Variants in GALNT18 observed in about 807,000 individuals in gnomAD.
The protein encoded by GALNT18 is GalNAc-transferase 18.
Under a neutral mutation model 69.5 loss-of-function variants are expected in GALNT18, and 44 were observed. The observed-to-expected ratio is 0.63, with a 90% CI of 0.50 to 0.81. The LOEUF (loss-of-function observed/expected upper bound fraction) is 0.81, where lower values mean the gene tolerates loss of function less well. Ranked by LOEUF, GALNT18 falls within the 40% of genes least tolerant of loss-of-function variation. The pLI, the probability that GALNT18 is intolerant of heterozygous loss-of-function variation, is 0.00. For missense variants in GALNT18, 715 were observed against 810.0 expected (o/e 0.88, Z 1.42); for synonymous variants, 364 against 318.2 (o/e 1.14, Z -1.53).
At chr11:11,513,714 T>A (rs530281906) in intron 1 of GALNT18, among the ~76,000 whole-genome samples, 2 of 152,360 alleles carry the variant, frequency 1.3e-5, no homozygotes, top group Admixed American at 1.3e-4. Context: ...TCCCGGGACG[T>A]TTACATAGGT....
intron 1 of GALNT18, among the ~76,000 whole-genome samples, chr11:11,520,922 A>G (rs4264146): frequency 0.66 from 101,026 of 151,942 alleles, 34,172 homozygotes; most frequent in African/African-American, 0.78. Flanking sequence ...CATTCCTGGC[A>G]GGGATCGGGA....
chr11:11,568,878 A>C (rs1858716154), intron 1 of GALNT18, among the ~76,000 whole-genome samples: 1 of 152,194 alleles, frequency 6.6e-6, no homozygotes, highest in Non-Finnish European at 1.5e-5. Context: ...ATATAACCTC[A>C]TCCCCTGCTT....
At position 11,465,500 on chromosome 11, in the gene GALNT18, C is replaced by G. The variant is rs1394668484; in HGVS notation, c.236-16564G>C. Among the ~76,000 whole-genome samples the G allele has an allele frequency of 6.6e-6, 1 of 152,098 alleles. No individual in the cohort carries two copies. The highest frequency in any genetic ancestry group is 2.4e-5 in the African/African-American group (1 of 41,400). ...CTCGTGATCCGTATCCATGGCAGCT[C>G]AGTAGCCACAGAAGCCAAAGCCACC... On this transcript the variant is annotated intron_variant, in intron 1 of 10. Coordinates refer to ENST00000227756, the MANE Select transcript of GALNT18 (RefSeq NM_198516.3). The surrounding 1 kb of genome is among the most constrained non-coding windows in gnomAD (Gnocchi z 5.7).
chr11:11,367,808 C>A (rs1850805563), intron 6 of GALNT18, among the ~76,000 whole-genome samples: 1 of 152,192 alleles, frequency 6.6e-6, no homozygotes, highest in South Asian at 2.1e-4. Context: ...TTTAACAAGT[C>A]TTACATTTTC....
At chr11:11,281,989 C>T (rs1849085822) in intron 10 of GALNT18, among the ~76,000 whole-genome samples, 1 of 152,080 alleles carries the variant, frequency 6.6e-6, no homozygotes, top group Non-Finnish European at 1.5e-5. Flanking sequence ...GACCTGCTCC[C>T]TGGGAACACA....
chr11:11,517,719 A>C (rs1372858195), intron 1 of GALNT18, among the ~76,000 whole-genome samples: 1 of 152,050 alleles, frequency 6.6e-6, no homozygotes, highest in Non-Finnish European at 1.5e-5. Flanking sequence ...CACAGTGCTC[A>C]GTCCCGGTGG....
intron 9 of GALNT18, among the ~76,000 whole-genome samples, chr11:11,305,970 C>T (rs1364101444): frequency 1.3e-5 from 2 of 152,202 alleles, no homozygotes; most frequent in Non-Finnish European, 2.9e-5. Context: ...TCCAAAACTC[C>T]TCTAAGCTGC....
chr11:11,440,466 G>T (rs1855510623), intron 2 of GALNT18, among the ~76,000 whole-genome samples: 1 of 152,222 alleles, frequency 6.6e-6, no homozygotes, highest in African/African-American at 2.4e-5. Context: ...GCCGGGAAAG[G>T]CAGGTCCTGA....
chr11:11,484,573 A>G (rs1856601876), intron 1 of GALNT18, among the ~76,000 whole-genome samples: 1 of 149,478 alleles, frequency 6.7e-6, no homozygotes, highest in Non-Finnish European at 1.5e-5. Flanking sequence ...AGCCTGGGCA[A>G]AAAGAGCAAA....
chr11:11,532,562 A>G (rs576103771), intron 1 of GALNT18, among the ~76,000 whole-genome samples: 2 of 152,348 alleles, frequency 1.3e-5, no homozygotes, highest in South Asian at 2.1e-4. Context: ...AGAAAATCCA[A>G]TGGCATTCTT....
intron 1 of GALNT18, among the ~76,000 whole-genome samples, chr11:11,535,756 C>T (rs1392791237): frequency 1.3e-5 from 2 of 152,214 alleles, no homozygotes; most frequent in Non-Finnish European, 2.9e-5. Flanking sequence ...CTTTCAGCTG[C>T]AGCCTACCCA....
chr11:11,559,029 G>C (rs1053410376), intron 1 of GALNT18, among the ~76,000 whole-genome samples: 1 of 152,220 alleles, frequency 6.6e-6, no homozygotes, highest in Non-Finnish European at 1.5e-5. Flanking sequence ...CCATGCCTCT[G>C]CTTCCTCATT....
At chr11:11,322,977 A>G (rs1849862849) in intron 9 of GALNT18, among the ~76,000 whole-genome samples, 2 of 152,136 alleles carry the variant, frequency 1.3e-5, no homozygotes, top group Admixed American at 1.3e-4. Flanking sequence ...TAAGGACACT[A>G]ATCCTATCAG....
intron 6 of GALNT18, among the ~76,000 whole-genome samples, chr11:11,371,395 C>T (rs1184886952): frequency 6.6e-6 from 1 of 152,180 alleles, no homozygotes. Context: ...AATTGAGTAT[C>T]AGGAATTGGA....
intron 1 of GALNT18, among the ~76,000 whole-genome samples, chr11:11,479,939 T>C (rs1416451219): frequency 6.6e-6 from 1 of 152,128 alleles, no homozygotes; most frequent in Non-Finnish European, 1.5e-5. Flanking sequence ...GTAAGTTACC[T>C]AGATGCTCTA....
At chr11:11,393,586 C>T (rs1854247544) in intron 3 of GALNT18, among the ~76,000 whole-genome samples, 1 of 152,220 alleles carries the variant, frequency 6.6e-6, no homozygotes, top group Non-Finnish European at 1.5e-5. Context: ...CCTTTAAAGC[C>T]ACCAAAGGCA....
chr11:11,445,608 T>C (rs1180287667), intron 2 of GALNT18, among the ~76,000 whole-genome samples: 1 of 152,198 alleles, frequency 6.6e-6, no homozygotes, highest in East Asian at 1.9e-4. Flanking sequence ...ATCTTGGGCG[T>C]GCGTCTGGCA....
At chr11:11,399,405 A>G (rs1178941163) in intron 3 of GALNT18, among the ~76,000 whole-genome samples, 1 of 152,196 alleles carries the variant, frequency 6.6e-6, no homozygotes, top group Non-Finnish European at 1.5e-5. Flanking sequence ...AAGGATCAAG[A>G]TTGAAAAGGG....
chr11:11,408,756 T>C (rs1294028512), intron 3 of GALNT18, among the ~76,000 whole-genome samples: 2 of 152,184 alleles, frequency 1.3e-5, no homozygotes, highest in African/African-American at 4.8e-5. Context: ...TCAGTTTCCA[T>C]GGCGTCTGGA....
Sources: gnomAD v4.1 joint callset for allele counts (sites outside exome capture counted in the v4.1 genomes callset) on GRCh38, gnomAD v4.1.1 for gene constraint, Gnocchi (gnomAD v3.1) non-coding constraint, MANE v1.5 for transcripts, NCBI Gene and HGNC (gene_info 2026-07-23, HGNC 2026-07-21) for gene names.